ARHGAP8: variants seen among roughly 807,000 people sequenced by gnomAD.
ARHGAP8 encodes Rho GTPase activating protein 8.
Under a neutral mutation model 46.1 loss-of-function variants are expected in ARHGAP8, and 62 were observed. That is an observed-to-expected ratio of 1.34 (90% confidence interval 1.10 to 1.66). ARHGAP8 has a LOEUF of 1.66. Among genes scored for constraint, ARHGAP8 ranks in the 40% most tolerant of loss-of-function variants. ARHGAP8 has a pLI of 0.00. For missense variants in ARHGAP8, 923 were observed against 568.4 expected, an observed-to-expected ratio of 1.62 and a Z score of -6.34; for synonymous variants, 375 against 243.1, an observed-to-expected ratio of 1.54 and a Z score of -5.05.
intron 1 of ARHGAP8, among the ~76,000 whole-genome samples, chr22:44,774,762 T>G (rs920952649): frequency 1.3e-5 from 2 of 151,914 alleles, no homozygotes; most frequent in African/African-American, 4.8e-5. Flanking sequence ...CCTCAGGTGC[T>G]CCACCCACCT....
At chr22:44,767,418 C>T (rs1925658602) in intron 1 of ARHGAP8, among the ~76,000 whole-genome samples, 1 of 152,070 alleles carries the variant, frequency 6.6e-6, no homozygotes, top group Non-Finnish European at 1.5e-5. Context: ...GTTAGCTGCC[C>T]CTCCTGAACA....
chr22:44,813,085 C>G (rs902145114), intron 4 of ARHGAP8, among the ~76,000 whole-genome samples: 5 of 152,128 alleles, frequency 3.3e-5, no homozygotes, highest in Admixed American at 2.0e-4. Context: ...CAGGAATCTG[C>G]CATTCTCCAA....
rs774418460 is a variant in ARHGAP8, at chr22:44,808,449, G to T, written c.299+11G>T. ...GGAGTTCGATAGGAAGTACGTGCCC[G>T]CAAGCCTTCAGGGACGTGGGTGTGG... On this transcript the variant is annotated intron_variant, in intron 4 of 11. Coordinates refer to ENST00000356099, the MANE Select transcript of ARHGAP8 (RefSeq NM_181335.3). The T allele has an allele frequency of 1.9e-6, 3 of 1,613,126 alleles. No individual in the cohort carries two copies. Among genetic ancestry groups the T allele is most frequent in the East Asian group, 2.2e-5 (1 of 44,852 alleles).
At chr22:44,825,895 C>T (rs1351586858) in intron 7 of ARHGAP8, among the ~76,000 whole-genome samples, 1 of 101,878 alleles carries the variant, frequency 9.8e-6, no homozygotes, top group Admixed American at 1.5e-4. Flanking sequence ...CTTGCTGCTC[C>T]GTGCCTCGTT....
intron 4 of ARHGAP8, among the ~76,000 whole-genome samples, chr22:44,814,138 T>C (rs1929564715): frequency 6.6e-6 from 1 of 152,178 alleles, no homozygotes; most frequent in Non-Finnish European, 1.5e-5. Flanking sequence ...GAAGGAAGCA[T>C]GGAGACTGGG....
chr22:44,768,401 G>A (rs1297262218), intron 1 of ARHGAP8, among the ~76,000 whole-genome samples: 1 of 151,484 alleles, frequency 6.6e-6, no homozygotes, highest in Non-Finnish European at 1.5e-5. Flanking sequence ...CTGGGCTCAA[G>A]CAATCCTCCC....
chr22:44,827,341 T>TTTTTTTTTTG lies in ARHGAP8; in HGVS notation c.596+1757_596+1758insGTTTTTTTTT, dbSNP rs1930601277. Among the ~76,000 whole-genome samples, 5 of 102,550 alleles carry TTTTTTTTTTG rather than the reference T, an allele frequency of 4.9e-5. No homozygotes were observed. The South Asian group carries it at 2.1e-3, about 43-fold the overall frequency. 67.3% of individuals were successfully genotyped at this position (102,550 alleles called of 152,430 possible). ...GATAATACATTTGGGTGGTGGTTTT[T>TTTTTTTTTTG]TTTTTTTTTTTTTTTTTTTTTGAGA... On this transcript the variant is annotated intron_variant, in intron 7 of 11. Coordinates refer to ENST00000356099, the MANE Select transcript of ARHGAP8 (RefSeq NM_181335.3).
At chr22:44,825,690 T>C (rs1389531170) in intron 7 of ARHGAP8, 97 bp downstream of exon 7, 12 of 1,384,452 alleles carry the variant, frequency 8.7e-6, no homozygotes, top group Middle Eastern at 1.8e-4. Context: ...GACGTTTGTC[T>C]CCAGCAGCCA....
chr22:44,787,745 C>T (rs916400977), intron 2 of ARHGAP8, among the ~76,000 whole-genome samples: 2 of 152,080 alleles, frequency 1.3e-5, no homozygotes, highest in Admixed American at 1.3e-4. Context: ...TAATCATTAG[C>T]TGTCATCTCT....
At chr22:44,776,277 C>A (rs546323216) in intron 1 of ARHGAP8, among the ~76,000 whole-genome samples, 1 of 152,018 alleles carries the variant, frequency 6.6e-6, no homozygotes, top group Non-Finnish European at 1.5e-5. Flanking sequence ...ATGGTGAAAC[C>A]CAGTCTCTAC....
intron 10 of ARHGAP8, among the ~76,000 whole-genome samples, chr22:44,856,726 G>C (rs1173865179): frequency 2.1e-5 from 3 of 144,036 alleles, no homozygotes; most frequent in African/African-American, 5.6e-5. Flanking sequence ...GGACCCAAGA[G>C]ACAGAGACAA....
At chr22:44,809,373 C>T (rs1030972422) in intron 4 of ARHGAP8, 1 of 363,304 alleles carries the variant, frequency 2.8e-6, no homozygotes, top group Admixed American at 3.5e-5. Flanking sequence ...CCTGCCTGCC[C>T]ATTCTCCCAC....
At chr22:44,797,086 C>T (rs1402250240) in intron 2 of ARHGAP8, among the ~76,000 whole-genome samples, 1 of 152,204 alleles carries the variant, frequency 6.6e-6, no homozygotes, top group Admixed American at 6.5e-5. Context: ...CTCATCTTCT[C>T]TCCCCGGAGC....
chr22:44,810,623 A>G (rs1929267033), intron 4 of ARHGAP8, among the ~76,000 whole-genome samples: 1 of 152,202 alleles, frequency 6.6e-6, no homozygotes, highest in African/African-American at 2.4e-5. Context: ...AGCTGGCGTA[A>G]TCAGGAAGGC....
chr22:44,757,538 A>G (rs1924779593), intron 1 of ARHGAP8, among the ~76,000 whole-genome samples: 1 of 152,130 alleles, frequency 6.6e-6, no homozygotes. Flanking sequence ...TGGCGTCCCA[A>G]AGTGCTGGGA....
At chr22:44,838,410 A>G (rs548512066) in intron 7 of ARHGAP8, among the ~76,000 whole-genome samples, 1 of 152,268 alleles carries the variant, frequency 6.6e-6, no homozygotes, top group East Asian at 1.9e-4. Flanking sequence ...TGCTGGGACT[A>G]CAGGCGTGAG....
chr22:44,809,897 G>A (rs1929215266), intron 4 of ARHGAP8: 1 of 152,258 alleles, frequency 6.6e-6, no homozygotes, highest in Admixed American at 6.5e-5. Flanking sequence ...TGCCTTTTGG[G>A]TCCTGCTGTC....
chr22:44,815,464 C>T (rs1001363758), intron 5 of ARHGAP8, among the ~76,000 whole-genome samples: 24 of 152,174 alleles, frequency 1.6e-4, no homozygotes, highest in African/African-American at 5.8e-4. Flanking sequence ...CCAAGGTTCC[C>T]GGTGGGCAAA....
At chr22:44,840,829 A>G (rs1042151498) in intron 7 of ARHGAP8, among the ~76,000 whole-genome samples, 5 of 152,226 alleles carry the variant, frequency 3.3e-5, no homozygotes, top group African/African-American at 1.2e-4. Flanking sequence ...GCGTGGAGAA[A>G]GGGGAAGCTC....
Sources: gnomAD v4.1 joint callset for allele counts (sites outside exome capture counted in the v4.1 genomes callset) on GRCh38, gnomAD v4.1.1 for gene constraint, MANE v1.5 for transcripts, NCBI Gene and HGNC (gene_info 2026-07-23, HGNC 2026-07-21) for gene names.